Variants in GPHN observed in about 807,000 individuals in gnomAD.
GPHN encodes the protein gephyrin.
Under a neutral mutation model 95.5 loss-of-function variants are expected in GPHN, and 17 were observed. The ratio of observed to expected loss-of-function variants is 0.18; its 90% confidence interval spans 0.12 to 0.27. GPHN has a LOEUF of 0.27. Among genes scored for constraint, GPHN ranks in the 10% least tolerant of loss-of-function variants. GPHN has a pLI of 1.00. For synonymous variants in GPHN, 320 were observed against 322.5 expected (o/e 0.99, Z 0.08); for missense variants, 660 against 978.1 (o/e 0.67, Z 4.34).
chr14:66,553,475 C>G (rs1035564850), intron 1 of GPHN, among the ~76,000 whole-genome samples: 2 of 152,156 alleles, frequency 1.3e-5, no homozygotes, highest in South Asian at 2.1e-4. Context: ...CCTTTTATCT[C>G]TCTGTCAGGT....
the GPHN span, among the ~76,000 whole-genome samples, chr14:67,673,270 G>C: frequency 6.6e-6 from 1 of 152,090 alleles, no homozygotes; most frequent in Non-Finnish European, 1.5e-5. Flanking sequence ...CTTCAATCTG[G>C]GAAGTGGAGG....
At chr14:67,201,109 C>A in the GPHN span, among the ~76,000 whole-genome samples, 1 of 152,096 alleles carries the variant, frequency 6.6e-6, no homozygotes, top group Non-Finnish European at 1.5e-5. Context: ...ACCTGGGCAA[C>A]AAGTGAGATC....
chr14:67,729,753 T>G, the GPHN span: 15 of 507,098 alleles, frequency 3.0e-5, no homozygotes, highest in South Asian at 2.1e-4. Flanking sequence ...TAGCACAAAG[T>G]GCTAGGGGAA....
chr14:67,590,249 A>ATT, the GPHN span: 2,414 of 730,862 alleles, frequency 3.3e-3, no homozygotes, highest in South Asian at 4.3e-3. Flanking sequence ...CCACTTGCAA[A>ATT]TTTTTTTTTT....
At chr14:67,035,821 C>G (rs889962546) in intron 10 of GPHN, among the ~76,000 whole-genome samples, 3 of 151,784 alleles carry the variant, frequency 2.0e-5, no homozygotes, top group Non-Finnish European at 4.4e-5. Flanking sequence ...AGAATTCTAC[C>G]AAGCATTTAA....
At chr14:67,539,206 C>G in the GPHN span, among the ~76,000 whole-genome samples, 1 of 152,182 alleles carries the variant, frequency 6.6e-6, no homozygotes, top group Non-Finnish European at 1.5e-5. Flanking sequence ...GCCTCCCGGC[C>G]TTCTCTGAGA....
At chr14:67,496,208 T>G in the GPHN span, among the ~76,000 whole-genome samples, 3 of 151,962 alleles carry the variant, frequency 2.0e-5, no homozygotes, top group Admixed American at 6.6e-5. Flanking sequence ...TTTTTAAAAA[T>G]TTTGTATCTA....
At chr14:67,594,716 T>C in the GPHN span, among the ~76,000 whole-genome samples, 1 of 151,890 alleles carries the variant, frequency 6.6e-6, no homozygotes, top group Admixed American at 6.6e-5. Flanking sequence ...GGGAGTTATG[T>C]CCTGATAAAC....
the GPHN span, chr14:67,646,330 T>G: frequency 6.3e-6 from 2 of 317,746 alleles, no homozygotes; most frequent in African/African-American, 4.3e-5. Context: ...TGTAAACAAG[T>G]CAGTAATGTG....
intron 2 of GPHN, among the ~76,000 whole-genome samples, chr14:66,741,449 A>T (rs1326877140): frequency 6.6e-6 from 1 of 152,150 alleles, no homozygotes. Context: ...TGCATATATG[A>T]TTTATTCAGG....
chr14:67,604,531 C>T, the GPHN span, among the ~76,000 whole-genome samples: 2 of 122,716 alleles, frequency 1.6e-5, no homozygotes. Context: ...TCTGACTCTA[C>T]CAAACAAAAA....
the GPHN span, chr14:67,695,520 C>T: frequency 9.0e-7 from 1 of 1,106,770 alleles, no homozygotes; most frequent in Non-Finnish European, 1.3e-6. Context: ...GCTCCGCCAT[C>T]TTGGAGCCCC....
At chr14:66,542,814 G>C (rs1029483709) in intron 1 of GPHN, among the ~76,000 whole-genome samples, 2 of 152,142 alleles carry the variant, frequency 1.3e-5, no homozygotes, top group African/African-American at 4.8e-5. Context: ...TTTAAATCCA[G>C]TATAATTAGG....
chr14:66,945,151 T>C (rs2067671444), intron 8 of GPHN, among the ~76,000 whole-genome samples: 1 of 152,136 alleles, frequency 6.6e-6, no homozygotes, highest in Non-Finnish European at 1.5e-5. Context: ...GGACACATTA[T>C]AGGATGAGTA....
At chr14:67,211,715 G>A in the GPHN span, among the ~76,000 whole-genome samples, 1 of 152,026 alleles carries the variant, frequency 6.6e-6, no homozygotes, top group African/African-American at 2.4e-5. Context: ...TACCATCCTG[G>A]GCAACTTAAC....
At chr14:67,239,161 C>CT in the GPHN span, among the ~76,000 whole-genome samples, 2 of 151,946 alleles carry the variant, frequency 1.3e-5, no homozygotes, top group Admixed American at 6.6e-5. Flanking sequence ...TGGGTGGAGG[C>CT]TTTTTTTGTG....
At chr14:67,723,718 A>C in the GPHN span, among the ~76,000 whole-genome samples, 1 of 152,222 alleles carries the variant, frequency 6.6e-6, no homozygotes, top group Admixed American at 6.5e-5. Context: ...AGAGGATTAA[A>C]ATAAATTACA....
At chr14:66,972,880 T>A (rs2069915280) in intron 9 of GPHN, among the ~76,000 whole-genome samples, 1 of 152,180 alleles carries the variant, frequency 6.6e-6, no homozygotes, top group African/African-American at 2.4e-5. Flanking sequence ...TACTTGGATC[T>A]ACTGCCTTAA....
At chr14:67,493,689 C>T in the GPHN span, among the ~76,000 whole-genome samples, 1 of 152,138 alleles carries the variant, frequency 6.6e-6, no homozygotes, top group Non-Finnish European at 1.5e-5. Flanking sequence ...CCACATTCCC[C>T]TGGTTCTGTG....
Sources: allele counts gnomAD v4.1 joint callset (sites outside exome capture counted in the v4.1 genomes callset), GRCh38; gene constraint gnomAD v4.1.1; transcripts MANE v1.5; gene names NCBI Gene and HGNC (gene_info 2026-07-23, HGNC 2026-07-21).